The following GALNS variants were observed in gnomAD, a reference collection of about 807,000 sequenced individuals.
GALNS encodes the protein N-acetylgalactosamine-6-sulfatase.
Under a neutral mutation model 65.9 loss-of-function variants are expected in GALNS, and 65 were observed. That is an observed-to-expected ratio of 0.99 (90% CI 0.81 to 1.21). The LOEUF is 1.21. Ranked by LOEUF, GALNS falls within the 50% of genes most tolerant of loss-of-function variation. The pLI is 0.00. For synonymous variants in GALNS, 346 were observed against 288.9 expected (o/e 1.20, Z -2.00); for missense variants, 776 against 700.7 (o/e 1.11, Z -1.21).
rs191795718 is a variant in GALNS at position 88,836,504 on chromosome 16, A to C, written c.567-237T>G. ...CTCTGTCTCTACTAAAAATACAAAAATTAGCTGGGCGTGGTGGCGCACGCC... is the reference window on the plus strand; with the variant it reads ...CTCTGTCTCTACTAAAAATACAAAACTTAGCTGGGCGTGGTGGCGCACGCC... On this transcript the variant is annotated intron_variant, in intron 5 of 13. Transcript: ENST00000268695. Among the ~76,000 whole-genome samples, 971 of 152,248 alleles carry C rather than the reference A, an allele frequency of 6.4e-3. 6 individuals carry two copies. The highest frequency in any genetic ancestry group is 0.017 in the Middle Eastern group (5 of 294).
chr16:88,832,163 C>A, intron 8 of GALNS, 62 bp from the exon 9 acceptor site: 1 of 1,402,746 alleles, frequency 7.1e-7, no homozygotes, highest in South Asian at 1.2e-5. Context: ...CTCCCCCTCC[C>A]TCCCCACTGA....
intron 12 of GALNS, among the ~76,000 whole-genome samples, chr16:88,819,666 G>A (rs1909998677): frequency 6.6e-6 from 1 of 152,122 alleles, no homozygotes; most frequent in Non-Finnish European, 1.5e-5. Context: ...TTGAGTAGCT[G>A]GGACCATAGA....
At chr16:88,826,653 C>T (rs1910952655) in intron 10 of GALNS, 49 bp downstream of exon 10, 4 of 1,596,374 alleles carry the variant, frequency 2.5e-6, no homozygotes, top group Non-Finnish European at 2.6e-6. Flanking sequence ...CAGCTCTGGG[C>T]TTCACTACTT....
At chr16:88,820,425 G>A (rs72813564) in intron 12 of GALNS, among the ~76,000 whole-genome samples, 214 of 152,292 alleles carry the variant, frequency 1.4e-3, no homozygotes, top group Non-Finnish European at 2.2e-3. Context: ...CATGGCGACC[G>A]GCCACCCGTC....
chr16:88,817,115 A>T (rs559530751), intron 13 of GALNS: 2 of 985,292 alleles, frequency 2.0e-6, no homozygotes, highest in Non-Finnish European at 1.2e-6. Context: ...CTGTGCTGGG[A>T]AACAGGCCTT....
Position 88,824,754 on chromosome 16 carries a change from C to T in GALNS, c.1242+13G>A. 1 of 1,611,318 alleles carries T rather than the reference C, an allele frequency of 6.2e-7. No individual in the cohort carries two copies. The highest frequency in any genetic ancestry group is 8.5e-7 in the Non-Finnish European group (1 of 1,178,390). ...GGGCAGCTCCGCCTGCGCCCACGTC[C>T]CGAGCCCTGTACCTGTCTGAAGTTC... On this transcript the variant is annotated intron_variant, in intron 11 of 13. Transcript: ENST00000268695.
chr16:88,843,473 G>C (rs978944164), intron 1 of GALNS: 4 of 341,516 alleles, frequency 1.2e-5, no homozygotes, highest in African/African-American at 8.6e-5. Flanking sequence ...CGTGTACTAC[G>C]TGGGTGTGGC....
Position 88,842,792 on chromosome 16 carries a change from G to A in GALNS, c.158C>T (p.Ser53Phe), listed in dbSNP as rs1421990673. 1.2e-6 allele frequency: 2 copies of A among 1,613,464 alleles called. No individual in the cohort carries two copies. The highest frequency in any genetic ancestry group is 2.2e-5 in the East Asian group (1 of 44,876). The change falls in exon 2 of 14, where the codon TCC becomes TTC. Residue 53 changes from serine (S) to phenylalanine (F), a missense_variant. Coordinates refer to ENST00000268695, the MANE Select transcript of GALNS (RefSeq NM_000512.5). Reference sequence around the variant, plus strand: ...CCGGTCCAAATTCGGGGTCTCTCTGGAGGGCTCTCCATACACCCCGAGGTC... The same window carrying A: ...CCGGTCCAAATTCGGGGTCTCTCTGAAGGGCTCTCCATACACCCCGAGGTC... ...WGDLGVYGEP[S>F]RETPNLDRMA... is the part of the protein sequence containing the mutation.
intron 10 of GALNS, 72 bp from the exon 11 acceptor site, chr16:88,824,941 G>A (rs960386891): frequency 1.6e-6 from 2 of 1,231,770 alleles, no homozygotes; most frequent in African/African-American, 3.0e-5. Flanking sequence ...GCTCTGGGCT[G>A]CGTCTGTCAT....
chr16:88,856,937 C>A lies in GALNS; in HGVS notation c.-60G>T. ...AGCCGACCTAGCGAGCGTCCGCCGG[C>A]CCTTCCGGCTGGGCTGCGGGGCGGG... is the stretch of plus-strand genomic sequence containing the variant. On this transcript the variant is annotated 5_prime_UTR_variant, in exon 1 of 14. Coordinates refer to ENST00000268695, the MANE Select transcript of GALNS (RefSeq NM_000512.5). 1 of 1,466,012 alleles carries A rather than the reference C, an allele frequency of 6.8e-7. No homozygotes were observed. Among genetic ancestry groups the A allele is most frequent in the South Asian group, 1.3e-5 (1 of 76,010 alleles). 90.8% of individuals were successfully genotyped at this position (1,466,012 alleles called of 1,614,324 possible).
At chr16:88,834,608 C>A (rs534106511) in intron 8 of GALNS, among the ~76,000 whole-genome samples, 2 of 140,164 alleles carry the variant, frequency 1.4e-5, no homozygotes, top group Non-Finnish European at 3.2e-5. Context: ...GGGCCCCCCC[C>A]GTGTGGTCTG....
intron 1 of GALNS, among the ~76,000 whole-genome samples, chr16:88,851,974 C>T (rs550962613): frequency 1.3e-5 from 2 of 152,374 alleles, no homozygotes; most frequent in South Asian, 2.1e-4. Flanking sequence ...CAGACTTAAA[C>T]GTCCCCGTCT....
chr16:88,817,024 G>C, intron 13 of GALNS: 2 of 985,452 alleles, frequency 2.0e-6, no homozygotes, highest in African/African-American at 1.7e-5. Flanking sequence ...TGTGTGGCTC[G>C]TTTTTGCCGA....
intron 8 of GALNS, among the ~76,000 whole-genome samples, chr16:88,834,291 C>A (rs1427587578): frequency 6.6e-6 from 1 of 152,056 alleles, no homozygotes; most frequent in Non-Finnish European, 1.5e-5. Context: ...TAGGCGCCCC[C>A]CGACATGGTC....
At chr16:88,848,227 G>A (rs74035862) in intron 1 of GALNS, among the ~76,000 whole-genome samples, 1,712 of 152,302 alleles carry the variant, frequency 0.011, 32 homozygotes, top group African/African-American at 0.039. Context: ...GCTTCCTTCC[G>A]TGGTGACAAA....
chr16:88,847,934 G>A (rs1967326599), intron 1 of GALNS, among the ~76,000 whole-genome samples: 1 of 152,214 alleles, frequency 6.6e-6, no homozygotes. Flanking sequence ...CAGCCAAGCT[G>A]GAAACACCCG....
intron 13 of GALNS, 195 bp from the exon 14 acceptor site, chr16:88,814,720 A>C (rs754729953): frequency 4.8e-5 from 18 of 373,736 alleles, no homozygotes; most frequent in Admixed American, 1.3e-4. Flanking sequence ...CAGCCTCCTG[A>C]GTGAGTAGCT....
chr16:88,835,488 T>C lies in GALNS; in HGVS notation c.759-136A>G, dbSNP rs147983420. 241 of 1,316,228 alleles carry C rather than the reference T, an allele frequency of 1.8e-4. No homozygotes were observed. The African/African-American group carries it at 3.1e-3, about 17-fold the overall frequency. 81.5% of individuals were successfully genotyped at this position (1,316,228 alleles called of 1,614,324 possible). A position where few individuals can be genotyped will look rare whatever the true frequency, so the allele number is the denominator to read the frequency against. On this transcript the variant is annotated intron_variant, in intron 7 of 13. Transcript: ENST00000268695. ...GACCACAGTGAAACTGGCCGGCCTC[T>C]TCCCAGAAGAGGAATGGCCTCAGTT...
At chr16:88,848,656 G>C (rs112454016) in intron 1 of GALNS, among the ~76,000 whole-genome samples, 1 of 152,186 alleles carries the variant, frequency 6.6e-6, no homozygotes. Context: ...GTCGGGGCCG[G>C]TGGGCGTTTG....
Sources: allele counts gnomAD v4.1 joint callset (sites outside exome capture counted in the v4.1 genomes callset), GRCh38; gene constraint gnomAD v4.1.1; transcripts MANE v1.5; gene names NCBI Gene and HGNC (gene_info 2026-07-23, HGNC 2026-07-21).